Variants in PITRM1 observed in about 807,000 individuals in gnomAD.
PITRM1 encodes pitrilysin metallopeptidase 1.
In PITRM1, 100 loss-of-function variants were observed where a neutral mutation model predicts 129.9. The ratio of observed to expected loss-of-function variants is 0.77; its 90% CI spans 0.65 to 0.91. The LOEUF is 0.91. Among genes scored for constraint, PITRM1 ranks in the 40% least tolerant of loss-of-function variants. The pLI is 0.00. For synonymous variants in PITRM1, 591 were observed against 508.8 expected (o/e 1.16, Z -2.17); for missense variants, 1,471 against 1,318.3 (o/e 1.12, Z -1.79).
chr10:3,149,399 C>G lies in PITRM1; in HGVS notation c.1871+222G>C, dbSNP rs1588662027. The G allele has an allele frequency of 2.0e-5, 8 of 393,196 alleles. No homozygotes were observed. The East Asian group carries it at 3.2e-4, about 16-fold the overall frequency. The allele number at this position is 393,196 out of a possible 1,614,324, so 24.4% of individuals were successfully genotyped here. ...GGCTGAGATGGAGATCTATAAGTAT[C>G]TCCTTATATTATACCGTAGATTCAT... On this transcript the variant is annotated intron_variant, in intron 16 of 26. Coordinates refer to ENST00000224949, the MANE Select transcript of PITRM1 (RefSeq NM_014889.4).
intron 2 of PITRM1, among the ~76,000 whole-genome samples, chr10:3,169,755 A>T (rs1843184359): frequency 6.6e-6 from 1 of 152,236 alleles, no homozygotes; most frequent in African/African-American, 2.4e-5. Context: ...TGATGGCAAA[A>T]CCTGACTAAA....
chr10:3,163,536 G>T, intron 7 of PITRM1, 189 bp downstream of exon 7: 1 of 497,476 alleles, frequency 2.0e-6, no homozygotes, highest in South Asian at 2.4e-5. Flanking sequence ...GCCTCCTGAG[G>T]GCTATCATTG....
chr10:3,151,762 G>T (rs991207493), intron 14 of PITRM1, among the ~76,000 whole-genome samples: 1 of 152,102 alleles, frequency 6.6e-6, no homozygotes, highest in Admixed American at 6.6e-5. Context: ...TTGAGACAGG[G>T]TCTGGCTCTG....
intron 16 of PITRM1, 137 bp from the exon 17 acceptor site, chr10:3,148,428 G>GTAT (rs1418482335): frequency 2.7e-6 from 3 of 1,121,528 alleles, no homozygotes; most frequent in Non-Finnish European, 3.7e-6. Context: ...ACACTTCGAA[G>GTAT]GTCATAAGCA....
chr10:3,144,160 T>G, intron 22 of PITRM1, 132 bp downstream of exon 22: 1 of 628,150 alleles, frequency 1.6e-6, no homozygotes, highest in Non-Finnish European at 2.9e-6. Context: ...AAGGATGCAC[T>G]GAACTCGCAA....
chr10:3,138,153 G>A, intron 26 of PITRM1, 29 bp from the exon 27 acceptor site: 1 of 1,575,532 alleles, frequency 6.3e-7, no homozygotes, highest in Non-Finnish European at 8.7e-7. Context: ...TGGTCAGCAA[G>A]GACTGGCTTC....
chr10:3,160,392 GTC>G, intron 7 of PITRM1, 62 bp from the exon 8 acceptor site: 2 of 1,382,458 alleles, frequency 1.4e-6, no homozygotes, highest in South Asian at 1.2e-5. Flanking sequence ...ATCAAGTGCT[GTC>G]TGTTTCACTG....
chr10:3,138,533 C>T (rs1431681303), intron 25 of PITRM1, 196 bp from the exon 26 acceptor site: 21 of 614,064 alleles, frequency 3.4e-5, no homozygotes, highest in South Asian at 2.1e-4. Context: ...CCCCTACCCA[C>T]GCCTGCTTCT....
At position 3,171,146 on chromosome 10, in the gene PITRM1, T is replaced by TAAAAAAAAAAAAAAAAAAAAAAAA. The variant is rs1588736135; in HGVS notation, c.57-941_57-940insTTTTTTTTTTTTTTTTTTTTTTTT. Among the ~76,000 whole-genome samples, 63 of 36,264 alleles carry TAAAAAAAAAAAAAAAAAAAAAAAA rather than the reference T, an allele frequency of 1.7e-3. 22 individuals are homozygous for TAAAAAAAAAAAAAAAAAAAAAAAA. The highest frequency in any genetic ancestry group is 6.8e-3 in the South Asian group (5 of 736). The allele number at this position is 36,264 out of a possible 152,430, so 23.8% of individuals were successfully genotyped here. A position where few individuals can be genotyped will look rare whatever the true frequency, so the allele number is the denominator to read the frequency against. Reference sequence around the variant, plus strand: ...GATAAAGTGCGGACTAATCGTTCAATTAAAAAAAAAAAAAAAAAAAAAAAA... The same window carrying TAAAAAAAAAAAAAAAAAAAAAAAA: ...GATAAAGTGCGGACTAATCGTTCAATAAAAAAAAAAAAAAAAAAAAAAAATAAAAAAAAAAAAAAAAAAAAAAAA... On this transcript the variant is annotated intron_variant, in intron 1 of 26. Coordinates refer to ENST00000224949, the MANE Select transcript of PITRM1 (RefSeq NM_014889.4).
chr10:3,148,339 G>A (rs1841135509), intron 16 of PITRM1, 48 bp from the exon 17 acceptor site: 3 of 1,536,364 alleles, frequency 2.0e-6, no homozygotes, highest in Admixed American at 2.2e-5. Flanking sequence ...AGTCTTTACT[G>A]AATCATTTTT....
intron 15 of PITRM1, among the ~76,000 whole-genome samples, chr10:3,149,983 G>A (rs1371955825): frequency 3.3e-5 from 5 of 152,010 alleles, no homozygotes; most frequent in South Asian, 2.1e-4. Flanking sequence ...ATGGAACCAC[G>A]AACTTCTGGT....
rs536467520 is a variant in PITRM1, at chr10:3,154,985, C to T, written c.1621+606G>A. On this transcript the variant is annotated intron_variant, in intron 14 of 26. Transcript: ENST00000224949. ...TTTCTCTATTTTTCTGCAAAACTAT[C>T]CTGAATGAGGCTGCAGCTACACTGC... Among the ~76,000 whole-genome samples, 5 of 152,354 alleles carry T rather than the reference C, an allele frequency of 3.3e-5. No individual in the cohort carries two copies. The East Asian group carries it at 9.6e-4, about 29-fold the overall frequency.
intron 9 of PITRM1, 22 bp from the exon 10 acceptor site, chr10:3,159,064 C>G: frequency 6.3e-7 from 1 of 1,589,894 alleles, no homozygotes; most frequent in Non-Finnish European, 8.6e-7. Flanking sequence ...AAAAAAGGAA[C>G]GGGGAGGTAA....
chr10:3,152,113 C>T (rs1841575328), intron 14 of PITRM1, among the ~76,000 whole-genome samples: 1 of 152,146 alleles, frequency 6.6e-6, no homozygotes. Flanking sequence ...GCACATAAAT[C>T]ACACAAATTA....
chr10:3,138,678 G>T (rs937609880), intron 25 of PITRM1: 2 of 657,228 alleles, frequency 3.0e-6, no homozygotes, highest in African/African-American at 3.6e-5. Flanking sequence ...ACTGCCATGG[G>T]TTGGCCCCAC....
chr10:3,153,858 G>A (rs1841737921), intron 14 of PITRM1, among the ~76,000 whole-genome samples: 1 of 152,154 alleles, frequency 6.6e-6, no homozygotes, highest in South Asian at 2.1e-4. Flanking sequence ...AATAGGAAAA[G>A]TAAGTGCATG....
chr10:3,147,573 T>TG lies in PITRM1; in HGVS notation c.2233dup (p.Gln745ProfsTer32). ...AGAGGTTCCTTCCAAGCTTCCCACCTGATCCATCCCGCTGAAGGTCTCCTG... is the reference window on the plus strand; with the variant it reads ...AGAGGTTCCTTCCAAGCTTCCCACCTGGATCCATCCCGCTGAAGGTCTCCTG... On this transcript the variant is annotated frameshift_variant and splice_region_variant, in exon 19 of 27. Transcript: ENST00000224949. LOFTEE classifies it high-confidence loss of function. The TG allele has an allele frequency of 6.2e-7, 1 of 1,613,956 alleles. No individual in the cohort carries two copies. Among genetic ancestry groups the TG allele is most frequent in the Non-Finnish European group, 8.5e-7 (1 of 1,179,856 alleles).
chr10:3,147,670 C>T lies in PITRM1; in HGVS notation c.2137G>A (p.Gly713Arg). 6.2e-7 allele frequency: 1 copy of T among 1,613,738 alleles called. No homozygotes were observed. Among genetic ancestry groups the T allele is most frequent in the Non-Finnish European group, 8.5e-7 (1 of 1,179,740 alleles). ...VKMTAQELAN[G>R]IPDSGHLYAS... The stretch of plus-strand genomic sequence containing the variant: ...TACAGGTGCCCAGAGTCAGGAATTC[C>T]ATTGGCGAGCTCCTGGGCGGTCATC... Residue 713 changes from glycine (G) to arginine (R), a missense_variant, in exon 19 of 27, where the codon GGA becomes AGA. Physicochemically the swap from Gly to Arg is moderately radical, Grantham distance 125. Coordinates refer to ENST00000224949, the MANE Select transcript of PITRM1 (RefSeq NM_014889.4).
Position 3,138,888 on chromosome 10 carries a change from GTT to G in PITRM1, c.2917+14_2917+15del, listed in dbSNP as rs757943869. On this transcript the variant is annotated intron_variant, in intron 25 of 26. Transcript: ENST00000224949. ...GAGGCTGTGGGTTGAGATTCTCACT[GTT>G]ATACTCAAAATACCTTTGTCTGAAG... 1 of 1,613,040 alleles carries G rather than the reference GTT, an allele frequency of 6.2e-7. No individual in the cohort carries two copies. The highest frequency in any genetic ancestry group is 1.7e-5 in the Admixed American group (1 of 60,022).
Sources: gnomAD v4.1 joint callset for allele counts (sites outside exome capture counted in the v4.1 genomes callset) on GRCh38, gnomAD v4.1.1 for gene constraint, MANE v1.5 for transcripts, NCBI Gene and HGNC (gene_info 2026-07-23, HGNC 2026-07-21) for gene names.